Variants in FSTL5 observed in about 807,000 individuals in gnomAD.
The protein encoded by FSTL5 is follistatin-related protein 5.
FSTL5 carries 62 observed loss-of-function variants against 89.1 expected under a neutral mutation model. That is an observed-to-expected ratio of 0.70 (90% CI 0.57 to 0.86). The LOEUF (loss-of-function observed/expected upper bound fraction) is 0.86, where lower values mean the gene tolerates loss of function less well. Ranked by LOEUF, FSTL5 falls within the 40% of genes least tolerant of loss-of-function variation. The pLI is 0.00. For missense variants in FSTL5, 1,057 were observed against 1,001.6 expected (o/e 1.06, Z -0.75); for synonymous variants, 383 against 346.2 (o/e 1.11, Z -1.18).
intron 6 of FSTL5, among the ~76,000 whole-genome samples, chr4:161,675,295 G>A (rs928679456): frequency 6.6e-6 from 1 of 151,500 alleles, no homozygotes; most frequent in Admixed American, 6.6e-5. Flanking sequence ...TTGAATTTGG[G>A]CTATAAAAAC....
intron 6 of FSTL5, among the ~76,000 whole-genome samples, chr4:161,662,712 T>A (rs1406400074): frequency 6.6e-6 from 1 of 152,048 alleles, no homozygotes; most frequent in Non-Finnish European, 1.5e-5. Flanking sequence ...GCTGACAGGT[T>A]TCCATAAATG....
chr4:161,537,511 C>T (rs1489669731), intron 10 of FSTL5, among the ~76,000 whole-genome samples: 1 of 152,172 alleles, frequency 6.6e-6, no homozygotes. Context: ...AGCAATCCAT[C>T]CTCAGCATCC....
intron 4 of FSTL5, among the ~76,000 whole-genome samples, chr4:161,860,084 C>T (rs1231899980): frequency 2.6e-5 from 4 of 152,104 alleles, no homozygotes; most frequent in African/African-American, 7.2e-5. Context: ...GTCAGGAGAT[C>T]TAGACCATCC....
At chr4:161,433,173 C>A (rs1578969899) in intron 15 of FSTL5, among the ~76,000 whole-genome samples, 1 of 149,948 alleles carries the variant, frequency 6.7e-6, no homozygotes, top group African/African-American at 2.5e-5. Flanking sequence ...TGTAAAAATC[C>A]TCAATGAAAT....
intron 1 of FSTL5, among the ~76,000 whole-genome samples, chr4:162,128,320 C>T (rs946990776): frequency 5.3e-5 from 8 of 152,116 alleles, no homozygotes; most frequent in Non-Finnish European, 7.3e-5. Flanking sequence ...TTCTGTCTCA[C>T]GCAAATTCAT....
intron 6 of FSTL5, among the ~76,000 whole-genome samples, chr4:161,713,303 C>G (rs977164938): frequency 3.3e-5 from 5 of 152,278 alleles, no homozygotes; most frequent in South Asian, 4.1e-4. Context: ...GTGCTGGCTA[C>G]TGCATAAACA....
At chr4:161,825,281 G>A (rs1203800837) in intron 4 of FSTL5, among the ~76,000 whole-genome samples, 1 of 143,308 alleles carries the variant, frequency 7.0e-6, no homozygotes, top group Non-Finnish European at 1.6e-5. Flanking sequence ...TATTCTCCTG[G>A]ATTTGGCCAC....
At chr4:161,919,569 G>A (rs1013399592) in intron 4 of FSTL5, among the ~76,000 whole-genome samples, 15 of 152,052 alleles carry the variant, frequency 9.9e-5, no homozygotes, top group Admixed American at 4.6e-4. Flanking sequence ...GTGTAAATAC[G>A]TTTCAGAAAT....
intron 4 of FSTL5, among the ~76,000 whole-genome samples, chr4:161,781,639 A>G (rs894547109): frequency 6.6e-6 from 1 of 152,132 alleles, no homozygotes; most frequent in African/African-American, 2.4e-5. Context: ...TAGAGTTCCA[A>G]TATACCCTTT....
At chr4:161,681,746 T>C (rs988430931) in intron 6 of FSTL5, among the ~76,000 whole-genome samples, 7 of 152,184 alleles carry the variant, frequency 4.6e-5, no homozygotes, top group African/African-American at 1.7e-4. Flanking sequence ...TTTAATTTAA[T>C]AAAATAGATA....
At chr4:162,122,742 C>A (rs543969279) in intron 1 of FSTL5, among the ~76,000 whole-genome samples, 8 of 152,042 alleles carry the variant, frequency 5.3e-5, no homozygotes, top group African/African-American at 1.9e-4. Flanking sequence ...CTCCTAAACA[C>A]TCTTTATGTA....
chr4:162,143,813 C>A (rs868361468), intron 1 of FSTL5, among the ~76,000 whole-genome samples: 18,674 of 144,280 alleles, frequency 0.13, 1,608 homozygotes, highest in Non-Finnish European at 0.18. Context: ...CACACACACA[C>A]ACACACATAC....
intron 4 of FSTL5, among the ~76,000 whole-genome samples, chr4:161,803,442 C>A (rs72691209): frequency 0.058 from 8,787 of 151,952 alleles, 360 homozygotes; most frequent in Non-Finnish European, 0.092. Flanking sequence ...TGATAAGTAT[C>A]ACTTTTACTA....
chr4:161,731,812 G>C (rs1449480342), intron 6 of FSTL5, among the ~76,000 whole-genome samples: 1 of 151,594 alleles, frequency 6.6e-6, no homozygotes, highest in African/African-American at 2.4e-5. Context: ...AATCCATTTT[G>C]TTGTGTGCAT....
chr4:161,519,013 C>G (rs1730933561), intron 10 of FSTL5, among the ~76,000 whole-genome samples: 1 of 152,160 alleles, frequency 6.6e-6, no homozygotes, highest in Admixed American at 6.5e-5. Flanking sequence ...CCCAAGGCTG[C>G]CTAAGTGTCC....
chr4:161,855,883 G>T (rs1181377860), intron 4 of FSTL5, among the ~76,000 whole-genome samples: 1 of 151,968 alleles, frequency 6.6e-6, no homozygotes, highest in Admixed American at 6.6e-5. Context: ...TGGAAAAAAT[G>T]GTTCAAAGAG....
intron 6 of FSTL5, among the ~76,000 whole-genome samples, chr4:161,664,171 G>T (rs145491338): frequency 1.1e-3 from 172 of 152,262 alleles, no homozygotes; most frequent in African/African-American, 4.0e-3. Flanking sequence ...TTTCCCAATT[G>T]TCTTTGGGAA....
chr4:161,709,935 T>A (rs185030147), intron 6 of FSTL5, among the ~76,000 whole-genome samples: 1 of 152,218 alleles, frequency 6.6e-6, no homozygotes, highest in East Asian at 1.9e-4. Context: ...AAAGACCATT[T>A]TAGTATTCCA....
intron 6 of FSTL5, among the ~76,000 whole-genome samples, chr4:161,720,223 C>T (rs937981867): frequency 4.9e-5 from 7 of 144,188 alleles, no homozygotes; most frequent in Non-Finnish European, 1.1e-4. Flanking sequence ...AAAAAAAATC[C>T]AATTAAAAGA....
Sources: gnomAD v4.1 joint callset for allele counts (sites outside exome capture counted in the v4.1 genomes callset) on GRCh38, gnomAD v4.1.1 for gene constraint, MANE v1.5 for transcripts, NCBI Gene and HGNC (gene_info 2026-07-23, HGNC 2026-07-21) for gene names.